The following MED13L variants were observed in gnomAD, a reference collection of about 807,000 sequenced individuals.
The protein encoded by MED13L is mediator complex subunit 13L.
MED13L carries 7 observed loss-of-function variants against 220.9 expected under a neutral mutation model. The observed-to-expected ratio is 0.03, with a 90% CI of 0.02 to 0.06. MED13L has a LOEUF of 0.06. MED13L is among the 10% of genes least tolerant of loss of function. The pLI is 1.00. For missense variants in MED13L, 1,965 were observed against 2,760.5 expected (o/e 0.71, Z 6.46); for synonymous variants, 1,011 against 1,015.2 (o/e 1.00, Z 0.08).
chr12:116,002,433 C>T (rs151265281), intron 14 of MED13L, among the ~76,000 whole-genome samples: 6 of 152,154 alleles, frequency 3.9e-5, no homozygotes, highest in Admixed American at 2.0e-4. Context: ...TCCACATAAG[C>T]TACCCTTTTT....
At chr12:116,238,935 A>C (rs11067950) in intron 1 of MED13L, among the ~76,000 whole-genome samples, 8,444 of 152,232 alleles carry the variant, frequency 0.055, 314 homozygotes, top group Non-Finnish European at 0.08. Flanking sequence ...TCTCCACTAA[A>C]AATACCAAAA....
chr12:116,226,598 G>T (rs1001453300), intron 2 of MED13L, among the ~76,000 whole-genome samples: 1 of 152,228 alleles, frequency 6.6e-6, no homozygotes, highest in African/African-American at 2.4e-5. Context: ...GCCAGGAGTG[G>T]CGGCTCACGC....
At chr12:116,120,467 T>TCACACACA (rs1565886949) in intron 2 of MED13L, among the ~76,000 whole-genome samples, 4 of 136,838 alleles carry the variant, frequency 2.9e-5, no homozygotes, top group South Asian at 2.4e-4. Flanking sequence ...TCTCTCTCTC[T>TCACACACA]CTCTCTCTCT....
chr12:116,246,868 AGAG>A (rs1456998329), intron 1 of MED13L, among the ~76,000 whole-genome samples: 1 of 44,986 alleles, frequency 2.2e-5, no homozygotes, highest in Admixed American at 2.8e-4. Context: ...GGAGGTGGGG[AGAG>A]GAGGGGAGGG....
At chr12:116,003,243 T>A in intron 13 of MED13L, 141 bp from the exon 14 acceptor site, 1 of 719,760 alleles carries the variant, frequency 1.4e-6, no homozygotes, top group Non-Finnish European at 2.4e-6. Context: ...TACCAACAGA[T>A]AGTGAAACAA....
chr12:116,182,299 C>T (rs1333015898), intron 2 of MED13L, among the ~76,000 whole-genome samples: 2 of 152,190 alleles, frequency 1.3e-5, no homozygotes, highest in African/African-American at 4.8e-5. Context: ...AATCAAATCA[C>T]ACTTCCCTAA....
chr12:116,123,280 T>TA (rs1447763160), intron 2 of MED13L, among the ~76,000 whole-genome samples: 1 of 152,148 alleles, frequency 6.6e-6, no homozygotes, highest in South Asian at 2.1e-4. Context: ...GATCCTATAT[T>TA]AAACAAGGCT....
At position 116,096,767 on chromosome 12, in the gene MED13L, T is replaced by C. The variant is rs916217874; in HGVS notation, c.396-15A>G. ...CCATTAGGCACCTAAAATAATTACATCAAGAATTACTTTTATAGTATCAGT... is the reference window on the plus strand; with the variant it reads ...CCATTAGGCACCTAAAATAATTACACCAAGAATTACTTTTATAGTATCAGT... On this transcript the variant is annotated splice_polypyrimidine_tract_variant and intron_variant, in intron 3 of 30. Coordinates refer to ENST00000281928, the MANE Select transcript of MED13L (RefSeq NM_015335.5). 6.3e-7 allele frequency: 1 copy of C among 1,592,214 alleles called. No homozygotes were observed. Among genetic ancestry groups the C allele is most frequent in the Non-Finnish European group, 8.6e-7 (1 of 1,160,218 alleles).
chr12:116,234,248 G>A (rs912978150), intron 2 of MED13L, among the ~76,000 whole-genome samples: 1 of 129,874 alleles, frequency 7.7e-6, no homozygotes, highest in Non-Finnish European at 1.7e-5. Context: ...TTTATTTATT[G>A]AGATGGAGTC....
intron 3 of MED13L, among the ~76,000 whole-genome samples, chr12:116,098,138 C>T (rs1183841612): frequency 2.6e-5 from 4 of 151,796 alleles, no homozygotes; most frequent in Non-Finnish European, 5.9e-5. Context: ...CCCAGCTACT[C>T]GGGAGGCTGA....
chr12:116,028,253 A>G (rs1403489273), intron 4 of MED13L, among the ~76,000 whole-genome samples: 2 of 152,200 alleles, frequency 1.3e-5, no homozygotes, highest in Non-Finnish European at 2.9e-5. Context: ...ACAATTATAG[A>G]TATGTTAGGG....
intron 2 of MED13L, among the ~76,000 whole-genome samples, chr12:116,124,824 T>C (rs1252713736): frequency 6.6e-6 from 1 of 152,344 alleles, no homozygotes; most frequent in Admixed American, 6.5e-5. Flanking sequence ...CACCTTTCCA[T>C]ACACACAAAT....
chr12:115,973,259 A>G (rs1177426531), intron 25 of MED13L, among the ~76,000 whole-genome samples: 8 of 152,200 alleles, frequency 5.3e-5, no homozygotes, highest in Non-Finnish European at 1.2e-4. Context: ...GACTCTGGAG[A>G]TAAGAAACAG....
At chr12:116,190,309 A>C (rs1881188379) in intron 2 of MED13L, among the ~76,000 whole-genome samples, 1 of 152,164 alleles carries the variant, frequency 6.6e-6, no homozygotes, top group African/African-American at 2.4e-5. Flanking sequence ...TCATCAATGG[A>C]TTATTGTGTT....
At chr12:116,201,209 A>C (rs1489216284) in intron 2 of MED13L, among the ~76,000 whole-genome samples, 1 of 152,202 alleles carries the variant, frequency 6.6e-6, no homozygotes, top group Non-Finnish European at 1.5e-5. Context: ...CTCTATCCCA[A>C]ATTGAAAATA....
At chr12:115,980,698 T>TA in intron 23 of MED13L, 52 bp downstream of exon 23, 1 of 1,572,744 alleles carries the variant, frequency 6.4e-7, no homozygotes, top group Non-Finnish European at 8.7e-7. Flanking sequence ...ATACCTCTTC[T>TA]AGCTTGCATT....
intron 1 of MED13L, among the ~76,000 whole-genome samples, chr12:116,246,617 G>A (rs994753758): frequency 6.7e-6 from 1 of 148,952 alleles, no homozygotes; most frequent in Non-Finnish European, 1.5e-5. Context: ...AGACCAGCCT[G>A]GGCAAGACAG....
intron 3 of MED13L, among the ~76,000 whole-genome samples, chr12:116,108,966 G>C (rs575792284): frequency 1.3e-3 from 198 of 151,478 alleles, no homozygotes; most frequent in Non-Finnish European, 2.4e-3. Flanking sequence ...TGAGATTAGG[G>C]TAACTGTCCA....
At chr12:116,121,657 C>T (rs891807993) in intron 2 of MED13L, among the ~76,000 whole-genome samples, 1 of 152,204 alleles carries the variant, frequency 6.6e-6, no homozygotes, top group Non-Finnish European at 1.5e-5. Context: ...TCAAAGAATA[C>T]ATATTTCCTC....
Sources: gnomAD v4.1 joint callset for allele counts (sites outside exome capture counted in the v4.1 genomes callset) on GRCh38, gnomAD v4.1.1 for gene constraint, MANE v1.5 for transcripts, NCBI Gene and HGNC (gene_info 2026-07-23, HGNC 2026-07-21) for gene names.